Variants in FHIP2A observed in about 807,000 individuals in gnomAD.
The protein encoded by FHIP2A is FHF complex subunit HOOK interacting protein 2A.
In FHIP2A, 46 loss-of-function variants were observed where a neutral mutation model predicts 93.5. That is an observed-to-expected ratio of 0.49 (90% CI 0.39 to 0.63). The LOEUF (loss-of-function observed/expected upper bound fraction) is 0.63. Among genes scored for constraint, FHIP2A ranks in the 20% least tolerant of loss-of-function variants. The probability of loss-of-function intolerance (pLI) is 0.00; values close to 1 mark genes in which losing one functional copy is unlikely to be tolerated. For missense variants in FHIP2A, 769 were observed against 909.7 expected, an observed-to-expected ratio of 0.85 and a Z score of 1.99; for synonymous variants, 332 against 326.5, an observed-to-expected ratio of 1.02 and a Z score of -0.18.
intron 13 of FHIP2A, among the ~76,000 whole-genome samples, chr10:114,849,724 C>T (rs920895083): frequency 1.3e-5 from 2 of 152,092 alleles, no homozygotes; most frequent in Non-Finnish European, 2.9e-5. Flanking sequence ...TTGCTATCAC[C>T]CCAGAAAGAA....
chr10:114,882,028 G>A (rs1303246873), intron 16 of FHIP2A, among the ~76,000 whole-genome samples: 1 of 152,212 alleles, frequency 6.6e-6, no homozygotes, highest in Non-Finnish European at 1.5e-5. Context: ...GGCTGCTTTT[G>A]GATCTTCCTG....
chr10:114,893,190 T>C (rs1055885730), intron 16 of FHIP2A, among the ~76,000 whole-genome samples: 1 of 152,188 alleles, frequency 6.6e-6, no homozygotes, highest in Non-Finnish European at 1.5e-5. Context: ...TTATTTATAA[T>C]AGGGGAAATA....
rs1425843226 is a variant in FHIP2A at position 114,853,844 on chromosome 10, C to A, written c.1804-1353C>A. ...TGAAACCCCATCTCTACTAAAAATA[C>A]AAAAATTAGCTGGACCTGGTGGCTC... On this transcript the variant is annotated intron_variant, in intron 13 of 16. Coordinates refer to ENST00000369248, the MANE Select transcript of FHIP2A (RefSeq NM_020940.4). Among the ~76,000 whole-genome samples, 5 of 152,080 alleles carry A rather than the reference C, an allele frequency of 3.3e-5. No homozygotes were observed. The East Asian group carries it at 9.7e-4, about 30-fold the overall frequency.
chr10:114,869,804 T>C (rs2083848078), intron 16 of FHIP2A, among the ~76,000 whole-genome samples: 1 of 152,226 alleles, frequency 6.6e-6, no homozygotes, highest in South Asian at 2.1e-4. Flanking sequence ...GTGTTTTTCT[T>C]TGGAATTTGA....
chr10:114,889,507 A>T (rs2083959998), intron 16 of FHIP2A, among the ~76,000 whole-genome samples: 3 of 152,226 alleles, frequency 2.0e-5, no homozygotes, highest in South Asian at 4.1e-4. Flanking sequence ...TCTATCAGTT[A>T]TCTCCATAGC....
intron 16 of FHIP2A, among the ~76,000 whole-genome samples, chr10:114,884,316 G>A (rs2083931161): frequency 6.6e-6 from 1 of 152,174 alleles, no homozygotes; most frequent in Non-Finnish European, 1.5e-5. Flanking sequence ...TAGACTTTGA[G>A]ACTTGTTTCT....
At chr10:114,897,368 G>C (rs552663805) in intron 16 of FHIP2A, among the ~76,000 whole-genome samples, 9 of 152,272 alleles carry the variant, frequency 5.9e-5, no homozygotes, top group East Asian at 3.9e-4. Flanking sequence ...GTGTACTTTC[G>C]TGGCAAAACT....
intron 16 of FHIP2A, among the ~76,000 whole-genome samples, chr10:114,875,849 A>C (rs553484074): frequency 2.0e-5 from 3 of 147,728 alleles, no homozygotes; most frequent in African/African-American, 7.8e-5. Flanking sequence ...GAAAGAAAGA[A>C]AGAAAAAGAA....
chr10:114,872,332 A>T (rs1018877674), intron 16 of FHIP2A, among the ~76,000 whole-genome samples: 3 of 152,212 alleles, frequency 2.0e-5, no homozygotes, highest in Admixed American at 2.0e-4. Flanking sequence ...CTAGAGGCCC[A>T]CTCACCCAGT....
At chr10:114,831,125 A>G (rs563183748) in intron 2 of FHIP2A, among the ~76,000 whole-genome samples, 195 bp downstream of exon 2, 22 of 152,326 alleles carry the variant, frequency 1.4e-4, no homozygotes, top group African/African-American at 5.3e-4. Context: ...TGTGTCAGGC[A>G]TTGTTGAGGC....
At chr10:114,839,845 G>GCA (rs1317593100) in intron 5 of FHIP2A, among the ~76,000 whole-genome samples, 5 of 138,966 alleles carry the variant, frequency 3.6e-5, no homozygotes, top group Non-Finnish European at 7.5e-5. Context: ...TCACGCCACT[G>GCA]CACTTCAGCC....
At chr10:114,891,761 C>T (rs187974595) in intron 16 of FHIP2A, among the ~76,000 whole-genome samples, 3 of 151,962 alleles carry the variant, frequency 2.0e-5, no homozygotes, top group African/African-American at 7.2e-5. Flanking sequence ...GGATCACAGG[C>T]ATGCACCACC....
chr10:114,885,081 T>C (rs910832828), intron 16 of FHIP2A, among the ~76,000 whole-genome samples: 1 of 151,686 alleles, frequency 6.6e-6, no homozygotes, highest in Non-Finnish European at 1.5e-5. Flanking sequence ...CCCACCTTCC[T>C]GGGGGAGAAA....
chr10:114,857,421 C>T (rs188352643), intron 14 of FHIP2A, among the ~76,000 whole-genome samples: 23 of 151,716 alleles, frequency 1.5e-4, no homozygotes, highest in Non-Finnish European at 2.2e-4. Flanking sequence ...GCGATTCTCC[C>T]GTCTCAGCGT....
At chr10:114,874,598 G>C (rs1038690922) in intron 16 of FHIP2A, among the ~76,000 whole-genome samples, 1 of 152,182 alleles carries the variant, frequency 6.6e-6, no homozygotes, top group African/African-American at 2.4e-5. Flanking sequence ...CGCCTCCCGG[G>C]TTCAAGCGAT....
At chr10:114,827,690 G>A (rs1192590793) in intron 1 of FHIP2A, among the ~76,000 whole-genome samples, 4 of 151,838 alleles carry the variant, frequency 2.6e-5, no homozygotes, top group African/African-American at 7.3e-5. Context: ...CCAGCTACTC[G>A]GGAGGCTGAG....
At chr10:114,866,682 G>A (rs185202459), downstream of FHIP2A, among the ~76,000 whole-genome samples, 3 of 152,274 alleles carry the variant, frequency 2.0e-5, no homozygotes, top group East Asian at 3.9e-4. Context: ...TCTTGGTGTG[G>A]TGTTTACAAA....
At chr10:114,834,198 A>G (rs2083624361) in intron 3 of FHIP2A, among the ~76,000 whole-genome samples, 1 of 152,204 alleles carries the variant, frequency 6.6e-6, no homozygotes, top group Non-Finnish European at 1.5e-5. Context: ...GTAGCATGCA[A>G]GATGATTTCC....
chr10:114,837,992 C>T (rs1395593683), intron 5 of FHIP2A, among the ~76,000 whole-genome samples: 1 of 152,090 alleles, frequency 6.6e-6, no homozygotes, highest in Non-Finnish European at 1.5e-5. Flanking sequence ...CAGATTTTTG[C>T]GTGGATTTAG....
Sources: allele counts gnomAD v4.1 joint callset (sites outside exome capture counted in the v4.1 genomes callset), GRCh38; gene constraint gnomAD v4.1.1; transcripts MANE v1.5; gene names NCBI Gene and HGNC (gene_info 2026-07-23, HGNC 2026-07-21).